The following TUBGCP6 variants were observed in gnomAD, a reference collection of about 807,000 sequenced individuals.
TUBGCP6 encodes the protein tubulin gamma complex component 6.
Under a neutral mutation model 175.8 loss-of-function variants are expected in TUBGCP6, and 161 were observed. The ratio of observed to expected loss-of-function variants is 0.92; its 90% CI spans 0.81 to 1.04. The LOEUF (loss-of-function observed/expected upper bound fraction) is 1.04, where lower values mean the gene tolerates loss of function less well. Ranked by LOEUF, TUBGCP6 falls within the 50% of genes least tolerant of loss-of-function variation. TUBGCP6 has a pLI of 0.00. For missense variants in TUBGCP6, 2,572 were observed against 2,433.0 expected, an observed-to-expected ratio of 1.06 and a Z score of -1.20; for synonymous variants, 1,173 against 1,030.5, an observed-to-expected ratio of 1.14 and a Z score of -2.65.
At chr22:50,240,060 T>A in intron 2 of TUBGCP6, 144 bp downstream of exon 2, 2 of 1,150,632 alleles carry the variant, frequency 1.7e-6, no homozygotes, top group South Asian at 2.8e-5. Flanking sequence ...CAGGACTCAG[T>A]CAATTTTGGA....
rs758163865 is a variant in TUBGCP6 at position 50,218,456 on chromosome 22, G to T, written c.4954+32C>A. 7.5e-5 allele frequency: 121 copies of T among 1,612,946 alleles called. No homozygotes were observed. The South Asian group carries it at 1.1e-3, about 15-fold the overall frequency. On this transcript the variant is annotated intron_variant, in intron 22 of 24. Coordinates refer to ENST00000248846, the MANE Select transcript of TUBGCP6 (RefSeq NM_020461.4). Reference sequence around the variant, plus strand: ...AGGTGAGCGCAGCCTCCAGCCAGGGGTGCGGGGCGCCGGGCTCCAGCGGGG... The same window carrying T: ...AGGTGAGCGCAGCCTCCAGCCAGGGTTGCGGGGCGCCGGGCTCCAGCGGGG...
At chr22:50,227,575 T>C (rs548554767) in intron 5 of TUBGCP6, among the ~76,000 whole-genome samples, 1 of 152,196 alleles carries the variant, frequency 6.6e-6, no homozygotes, top group Non-Finnish European at 1.5e-5. Context: ...CCTTCTCTGA[T>C]GGCACCTGCC....
At position 50,244,372 on chromosome 22, in the gene TUBGCP6, G is replaced by A. The variant is rs2064891113; in HGVS notation, c.88C>T (p.Arg30Trp). ...TTGAGGCTCCGCTTTGCCCTCTTCC[G>A]GTTCACACTGCGCTGGCCCAGGTGA... is the stretch of plus-strand genomic sequence containing the variant. ...KTHLGQRSVNRKRAKRSLKKV... is the reference protein window; with the variant it reads ...KTHLGQRSVNWKRAKRSLKKV... Residue 30 changes from arginine to tryptophan, a missense_variant, in exon 1 of 25, where the codon CGG (arginine) becomes TGG (tryptophan). Arg to Trp is a moderately radical substitution (Grantham distance 101). Coordinates refer to ENST00000248846, the MANE Select transcript of TUBGCP6 (RefSeq NM_020461.4). 6.2e-7 allele frequency: 1 copy of A among 1,613,230 alleles called. No homozygotes were observed. Among genetic ancestry groups the A allele is most frequent in the Admixed American group, 1.7e-5 (1 of 60,008 alleles).
rs764262891 is a variant in TUBGCP6 at position 50,221,083 on chromosome 22, C to G, written c.3276G>C (p.Glu1092Asp). Residue 1092 changes from glutamate (E) to aspartate (D), a missense_variant, in exon 16 of 25, where the codon GAG becomes GAC. Transcript: ENST00000248846. Reference protein sequence around the residue: ...HVSNASISLGESVSDVAPTRP... With the variant: ...HVSNASISLGDSVSDVAPTRP... ...GAGTGGGAGCCACATCTGACACAGA[C>G]TCCCCTAAGCTGATGCTGGCATTGG... is the stretch of plus-strand genomic sequence containing the variant. 2 of 1,612,688 alleles carry G rather than the reference C, an allele frequency of 1.2e-6. No homozygotes were observed. The highest frequency in any genetic ancestry group is 1.7e-6 in the Non-Finnish European group (2 of 1,179,728).
intron 3 of TUBGCP6, 28 bp downstream of exon 3, chr22:50,233,288 A>C: frequency 6.2e-7 from 1 of 1,607,942 alleles, no homozygotes; most frequent in Non-Finnish European, 8.5e-7. Flanking sequence ...GCCCCACACC[A>C]CTGTGGCGGG....
At chr22:50,222,731 T>C in intron 13 of TUBGCP6, 139 bp from the exon 14 acceptor site, 1 of 1,236,114 alleles carries the variant, frequency 8.1e-7, no homozygotes, top group Non-Finnish European at 1.1e-6. Flanking sequence ...CAGGGGCTGA[T>C]AGCTCTGGGC....
At chr22:50,233,829 C>A (rs1408046467) in intron 2 of TUBGCP6, among the ~76,000 whole-genome samples, 1 of 152,076 alleles carries the variant, frequency 6.6e-6, no homozygotes, top group Non-Finnish European at 1.5e-5. Flanking sequence ...TGGAAGAGCA[C>A]CCCAGGCCAC....
chr22:50,224,224 A>T lies in TUBGCP6; in HGVS notation c.2187T>A (p.Asp729Glu), dbSNP rs143520642. 2.5e-6 allele frequency: 4 copies of T among 1,613,988 alleles called. No individual in the cohort carries two copies. The African/African-American group carries it at 4.0e-5, about 16-fold the overall frequency. The change falls in exon 13 of 25, where the codon GAT (aspartate) becomes GAA (glutamate). Residue 729 changes from aspartate (D) to glutamate (E), a missense_variant. Physicochemically the swap from Asp to Glu is conservative, Grantham distance 45. Transcript: ENST00000248846. The part of the protein sequence containing the change: ...RRQAARQEEL[D>E]DDFSYARELR... Reference sequence around the variant, plus strand: ...GTTCACGGGCGTAGCTGAAGTCATCATCCAGCTCCTCCTGCCTGGCCGCCT... The same window carrying T: ...GTTCACGGGCGTAGCTGAAGTCATCTTCCAGCTCCTCCTGCCTGGCCGCCT...
Position 50,218,025 on chromosome 22 carries a change from T to C in TUBGCP6, c.5261A>G (p.Gln1754Arg). 1 of 1,613,240 alleles carries C rather than the reference T, an allele frequency of 6.2e-7. No homozygotes were observed. Among genetic ancestry groups the C allele is most frequent in the Non-Finnish European group, 8.5e-7 (1 of 1,179,812 alleles). Residue 1754 changes from glutamine (Q) to arginine (R), a missense_variant, in exon 24 of 25, where the codon CAG becomes CGG. By Grantham distance (43) the Gln-to-Arg change is conservative. Coordinates refer to ENST00000248846, the MANE Select transcript of TUBGCP6 (RefSeq NM_020461.4). ...VLKFRSQLIS[Q>R]AWGPPGGPRG... Reference sequence around the variant, plus strand: ...CGGGCCCCCAGGGGGCCCCCAGGCCTGGGAGATGAGCTGGCTGCGGAACTT... The same window carrying C: ...CGGGCCCCCAGGGGGCCCCCAGGCCCGGGAGATGAGCTGGCTGCGGAACTT...
intron 13 of TUBGCP6, 107 bp downstream of exon 13, chr22:50,224,034 G>A (rs1045178675): frequency 1.0e-5 from 10 of 993,216 alleles, no homozygotes; most frequent in African/African-American, 9.7e-5. Flanking sequence ...CTTAATGTAT[G>A]TTTGAAGGTT....
In TUBGCP6 at chr22:50,220,576, G is replaced by A. The variant is rs1223064179; in HGVS notation, c.3783C>T (p.Ser1261=). 2.5e-6 allele frequency: 4 copies of A among 1,613,678 alleles called. No individual in the cohort carries two copies. The highest frequency in any genetic ancestry group is 1.1e-5 in the South Asian group (1 of 91,080). The change falls in exon 16 of 25, where the codon TCC becomes TCT. Residue 1261 remains serine, a synonymous_variant. Coordinates refer to ENST00000248846, the MANE Select transcript of TUBGCP6 (RefSeq NM_020461.4). ...SLGEPVSDVV[S]TRPRWNTHVP... The stretch of plus-strand genomic sequence containing the variant: ...CATGGGTGTTCCACCGTGGCCGGGT[G>A]GAAACCACATCCGACACAGGCTCCC...
At chr22:50,234,635 C>A (rs373665918) in intron 2 of TUBGCP6, among the ~76,000 whole-genome samples, 1 of 144,300 alleles carries the variant, frequency 6.9e-6, no homozygotes, top group East Asian at 2.2e-4. Context: ...TCATCCACAC[C>A]CCCTGTGCAC....
In TUBGCP6 at chr22:50,226,035, T is replaced by C. The variant is rs755832560; in HGVS notation, c.1833+15A>G. ...GACCGGCCCCTCTCTTCCCCACACA[T>C]GAGCCCCTCCTCACCCGGGGGCAGC... On this transcript the variant is annotated intron_variant, in intron 9 of 24. Coordinates refer to ENST00000248846, the MANE Select transcript of TUBGCP6 (RefSeq NM_020461.4). 1.2e-6 allele frequency: 2 copies of C among 1,612,838 alleles called. No individual in the cohort carries two copies. Among genetic ancestry groups the C allele is most frequent in the African/African-American group, 1.3e-5 (1 of 74,608 alleles).
intron 21 of TUBGCP6, 28 bp downstream of exon 21, chr22:50,218,675 A>AT: frequency 6.2e-7 from 1 of 1,613,432 alleles, no homozygotes; most frequent in Non-Finnish European, 8.5e-7. Context: ...CCCCTGTCCC[A>AT]TCCCCCGCGG....
chr22:50,226,022 T>C (rs2064601951), intron 9 of TUBGCP6, 28 bp downstream of exon 9: 1 of 1,613,580 alleles, frequency 6.2e-7, no homozygotes, highest in African/African-American at 1.3e-5. Flanking sequence ...CCGGCCCCTC[T>C]CTTCCCCACA....
At chr22:50,219,250 C>G (rs1373393044) in intron 19 of TUBGCP6, 38 bp downstream of exon 19, 1 of 1,610,398 alleles carries the variant, frequency 6.2e-7, no homozygotes, top group Admixed American at 1.7e-5. Context: ...CCAGGACGGG[C>G]TGGGTGGGCA....
intron 3 of TUBGCP6, 42 bp downstream of exon 3, chr22:50,233,274 G>A (rs1355663839): frequency 6.3e-7 from 1 of 1,596,662 alleles, no homozygotes. Context: ...TGGAGGGCAG[G>A]CCAGCCCCAC....
In TUBGCP6 at chr22:50,221,785, C is replaced by G. The variant is rs147989796; in HGVS notation, c.2574G>C (p.Trp858Cys). The G allele has an allele frequency of 7.8e-4, 1,184 of 1,511,834 alleles. 28 individuals are homozygous for G. The Admixed American group carries it at 0.026, about 34-fold the overall frequency. 93.7% of individuals were successfully genotyped at this position (1,511,834 alleles called of 1,614,324 possible). ...GTGGGGTCAGCAGGCCTGGCCTGTT[C>G]CAGCCATCCCAGGCAGGCGAGTGTT... is the stretch of plus-strand genomic sequence containing the variant. ...AEQHSPAWDG[W>C]NRPGLLTPQP... Residue 858 changes from tryptophan to cysteine, a missense_variant, in exon 16 of 25, where the codon TGG becomes TGC. Transcript: ENST00000248846.
chr22:50,222,125 G>A (rs1602511961), intron 14 of TUBGCP6, 23 bp from the exon 15 acceptor site: 4 of 1,610,980 alleles, frequency 2.5e-6, no homozygotes, highest in Non-Finnish European at 3.4e-6. Flanking sequence ...CCAGAGGGGT[G>A]ACTGGCCAAG....
Sources: gnomAD v4.1 joint callset for allele counts (sites outside exome capture counted in the v4.1 genomes callset) on GRCh38, gnomAD v4.1.1 for gene constraint, MANE v1.5 for transcripts, NCBI Gene and HGNC (gene_info 2026-07-23, HGNC 2026-07-21) for gene names.